Variants in NOC2L observed in about 807,000 individuals in gnomAD.
The protein encoded by NOC2L is nucleolar complex protein 2 homolog.
Under a neutral mutation model 94.2 loss-of-function variants are expected in NOC2L, and 101 were observed. That is an observed-to-expected ratio of 1.07 (90% CI 0.91 to 1.26). NOC2L has a LOEUF of 1.26. Ranked by LOEUF, NOC2L falls within the 50% of genes most tolerant of loss-of-function variation. The probability of loss-of-function intolerance (pLI) is 0.00; values close to 1 mark genes in which losing one functional copy is unlikely to be tolerated. For synonymous variants in NOC2L, 531 were observed against 413.4 expected, an observed-to-expected ratio of 1.28 and a Z score of -3.45; for missense variants, 1,076 against 980.1, an observed-to-expected ratio of 1.10 and a Z score of -1.31.
chr1:947,994 G>C (rs1048953681), intron 14 of NOC2L, 137 bp downstream of exon 14: 1 of 685,144 alleles, frequency 1.5e-6, no homozygotes, highest in African/African-American at 1.8e-5. Flanking sequence ...GGGCCTCACG[G>C]GGCGCGTTGC....
intron 12 of NOC2L, among the ~76,000 whole-genome samples, chr1:949,779 G>A (rs1216434756): frequency 6.6e-6 from 1 of 152,176 alleles, no homozygotes; most frequent in Non-Finnish European, 1.5e-5. Flanking sequence ...TGGCTGCCAT[G>A]GGAGTGAACA....
chr1:956,088 A>G lies in NOC2L; in HGVS notation c.607+7T>C, dbSNP rs201133363. The G allele has an allele frequency of 1.6e-4, 264 of 1,613,976 alleles. No individual in the cohort carries two copies. Among genetic ancestry groups the G allele is most frequent in the Middle Eastern group, 1.2e-3 (7 of 6,062 alleles). On this transcript the variant is annotated splice_region_variant and intron_variant, in intron 5 of 18. Coordinates refer to ENST00000327044, the MANE Select transcript of NOC2L (RefSeq NM_015658.4). ...CAGCCTGGATGCCAGGCTCCCCCCAAGCTCACCAGCACTGTCCGTGACCTG... is the reference window on the plus strand; with the variant it reads ...CAGCCTGGATGCCAGGCTCCCCCCAGGCTCACCAGCACTGTCCGTGACCTG...
At chr1:951,105 C>T (rs369324689) in intron 12 of NOC2L, 22 bp downstream of exon 12, 26 of 1,518,916 alleles carry the variant, frequency 1.7e-5, no homozygotes, top group Admixed American at 9.6e-5. Context: ...AGGTGCCACA[C>T]GCCCACCACA....
Position 956,219 on chromosome 1 carries a change from A to C in NOC2L, c.487-4T>G. On this transcript the variant is annotated splice_region_variant and splice_polypyrimidine_tract_variant and intron_variant, in intron 4 of 18. Transcript: ENST00000327044. ...ACAGCTTTGGAGTGAGGCGTTGCTG[A>C]AGGAGCAAGAGTACCAGGGGCGTCA... 1.2e-6 allele frequency: 2 copies of C among 1,613,190 alleles called. No homozygotes were observed. The highest frequency in any genetic ancestry group is 1.7e-6 in the Non-Finnish European group (2 of 1,180,002).
At chr1:948,629 T>C (rs1245729813) in intron 12 of NOC2L, 26 bp from the exon 13 acceptor site, 2 of 1,126,312 alleles carry the variant, frequency 1.8e-6, no homozygotes, top group African/African-American at 6.1e-5. Flanking sequence ...TGTCAGGCTC[T>C]CTCGGCCCCA....
At chr1:947,901 G>A (rs1034238698) in intron 14 of NOC2L, among the ~76,000 whole-genome samples, 3 of 152,220 alleles carry the variant, frequency 2.0e-5, no homozygotes, top group African/African-American at 7.2e-5. Flanking sequence ...AGGCTGTTGT[G>A]CTCCCAGGGT....
intron 2 of NOC2L, 85 bp from the exon 3 acceptor site, chr1:957,358 CA>C: frequency 7.4e-7 from 1 of 1,357,468 alleles, no homozygotes; most frequent in Non-Finnish European, 1.0e-6. Context: ...CTACTCCCTT[CA>C]CAAGGGTTAC....
At chr1:956,309 C>T (rs151188677) in intron 4 of NOC2L, 94 bp from the exon 5 acceptor site, 140 of 1,447,910 alleles carry the variant, frequency 9.7e-5, no homozygotes, top group Middle Eastern at 3.5e-4. Context: ...CCCTCACCCT[C>T]ACCCTCAGAC....
chr1:948,316 C>T, intron 13 of NOC2L, 84 bp from the exon 14 acceptor site: 3 of 1,228,886 alleles, frequency 2.4e-6, no homozygotes, highest in East Asian at 5.1e-5. Flanking sequence ...GCTGTCAGGG[C>T]AGCGCCATCT....
intron 9 of NOC2L, 125 bp from the exon 10 acceptor site, chr1:952,725 C>A: frequency 1.1e-6 from 1 of 923,888 alleles, no homozygotes; most frequent in Non-Finnish European, 1.7e-6. Context: ...GAGCCGTAGC[C>A]CCTTGCACAG....
At chr1:949,007 C>T (rs1569939431) in intron 12 of NOC2L, among the ~76,000 whole-genome samples, 1 of 149,876 alleles carries the variant, frequency 6.7e-6, no homozygotes, top group African/African-American at 2.5e-5. Flanking sequence ...AGCAATGCCA[C>T]ATGGGGCTCC....
At chr1:954,293 T>G in intron 6 of NOC2L, 5 of 544,400 alleles carry the variant, frequency 9.2e-6, no homozygotes, top group Non-Finnish European at 1.6e-5. Flanking sequence ...CCTCCTTCAG[T>G]GGCCTTGAAC....
intron 12 of NOC2L, among the ~76,000 whole-genome samples, chr1:950,108 A>T (rs1042034349): frequency 2.6e-5 from 4 of 152,226 alleles, no homozygotes; most frequent in Admixed American, 2.6e-4. Context: ...ACACATGCAC[A>T]GGCACACACG....
chr1:953,489 CAA>C (rs1642312761), intron 8 of NOC2L, among the ~76,000 whole-genome samples: 1 of 152,252 alleles, frequency 6.6e-6, no homozygotes, highest in Non-Finnish European at 1.5e-5. Context: ...AAGAGGACCA[CAA>C]AAGTTTACCA....
intron 6 of NOC2L, chr1:954,433 G>C (rs913071987): frequency 1.6e-5 from 4 of 250,402 alleles, no homozygotes; most frequent in Non-Finnish European, 3.0e-5. Flanking sequence ...ACCACACGAG[G>C]TCCCTAAGCC....
intron 6 of NOC2L, among the ~76,000 whole-genome samples, chr1:954,808 C>T (rs1006642727): frequency 4.6e-5 from 7 of 151,016 alleles, no homozygotes; most frequent in African/African-American, 1.7e-4. Context: ...GGCGACAGAG[C>T]AAGATCCTAT....
chr1:952,875 A>C (rs1171775852), intron 9 of NOC2L, among the ~76,000 whole-genome samples: 1 of 152,090 alleles, frequency 6.6e-6, no homozygotes, highest in Non-Finnish European at 1.5e-5. Context: ...GTAGGACTGT[A>C]CCCTGGCCAT....
intron 18 of NOC2L, 34 bp from the exon 19 acceptor site, chr1:944,834 C>CT (rs1642046338): frequency 2.1e-6 from 3 of 1,458,910 alleles, no homozygotes; most frequent in Non-Finnish European, 2.8e-6. Context: ...ATAAATTTTG[C>CT]TTTATCAGGA....
rs1642282196 is a variant in NOC2L, at chr1:952,328, AG to A, written c.1191+83del. 8 of 1,517,338 alleles carry A rather than the reference AG, an allele frequency of 5.3e-6. No homozygotes were observed. In the South Asian group the frequency reaches 8.4e-5, roughly 16 times the overall value. 94.0% of individuals were successfully genotyped at this position (1,517,338 alleles called of 1,614,324 possible). On this transcript the variant is annotated intron_variant, in intron 10 of 18. Transcript: ENST00000327044. Reference sequence around the variant, plus strand: ...CTGTCTCCAGACAGGGGCTTCGGGGAGGCCCCAGGCCCTGCCTTGGGTCGGG... The same window carrying A: ...CTGTCTCCAGACAGGGGCTTCGGGGAGCCCCAGGCCCTGCCTTGGGTCGGG...
Sources: allele counts gnomAD v4.1 joint callset (sites outside exome capture counted in the v4.1 genomes callset), GRCh38; gene constraint gnomAD v4.1.1; transcripts MANE v1.5; gene names NCBI Gene and HGNC (gene_info 2026-07-23, HGNC 2026-07-21).